Variants in HS3ST4 observed in about 807,000 individuals in gnomAD.
HS3ST4 encodes heparan sulfate-glucosamine 3-sulfotransferase 4, also known as heparan sulfate glucosamine 3-O-sulfotransferase 4.
In HS3ST4, 17 loss-of-function variants were observed where a neutral mutation model predicts 29.2. The ratio of observed to expected loss-of-function variants is 0.58; its 90% CI spans 0.40 to 0.87. The LOEUF is 0.87. HS3ST4 is among the 40% of genes least tolerant of loss of function. The pLI is 0.00. For synonymous variants in HS3ST4, 314 were observed against 285.7 expected (o/e 1.10, Z -1.00); for missense variants, 627 against 634.5 (o/e 0.99, Z 0.13).
At position 25,788,415 on chromosome 16, in the gene HS3ST4, C is replaced by CAAAA. The variant is rs11384547; in HGVS notation, c.734+95274_734+95277dup. 6.0e-3 allele frequency among the ~76,000 whole-genome samples: 860 copies of CAAAA among 143,064 alleles called. 6 individuals are homozygous for CAAAA. Among genetic ancestry groups the CAAAA allele is most frequent in the African/African-American group, 0.014 (549 of 38,888 alleles). 93.9% of individuals were successfully genotyped at this position (143,064 alleles called of 152,430 possible). A position where few individuals can be genotyped will look rare whatever the true frequency, so the allele number is the denominator to read the frequency against. On this transcript the variant is annotated intron_variant, in intron 1 of 1. Coordinates refer to ENST00000331351, the MANE Select transcript of HS3ST4 (RefSeq NM_006040.3). ...GGGCAACAAGAGTGAAATTCTGTCT[C>CAAAA]AAAAAAAAAAAAATGCCATTACAAT...
At chr16:26,101,074 G>A (rs149566088) in intron 1 of HS3ST4, among the ~76,000 whole-genome samples, 6 of 152,276 alleles carry the variant, frequency 3.9e-5, no homozygotes, top group Non-Finnish European at 7.3e-5. Context: ...AACAGAAACC[G>A]TTTACTCCAG....
intron 1 of HS3ST4, among the ~76,000 whole-genome samples, chr16:26,052,614 G>A (rs527257361): frequency 2.0e-5 from 3 of 152,228 alleles, no homozygotes; most frequent in Admixed American, 6.5e-5. Context: ...CTAGTGATCC[G>A]CCTGCCTCAG....
At chr16:26,049,389 AGGTCTACATCCGG>A (rs1293523322) in intron 1 of HS3ST4, among the ~76,000 whole-genome samples, 4 of 149,394 alleles carry the variant, frequency 2.7e-5, no homozygotes, top group Non-Finnish European at 5.9e-5. Flanking sequence ...CTACATCCGG[AGGTCTACATCCGG>A]AGAATGATGT....
chr16:25,779,456 A>G (rs1432308737), intron 1 of HS3ST4, among the ~76,000 whole-genome samples: 1 of 152,228 alleles, frequency 6.6e-6, no homozygotes, highest in Non-Finnish European at 1.5e-5. Flanking sequence ...CTTTGTACCA[A>G]TCATTTCATT....
chr16:25,917,814 C>G (rs1968307152), intron 1 of HS3ST4, among the ~76,000 whole-genome samples: 1 of 152,184 alleles, frequency 6.6e-6, no homozygotes, highest in African/African-American at 2.4e-5. Context: ...CAACTGTTTC[C>G]TTTTGCTGGC....
At chr16:25,866,182 A>T (rs1370325314) in intron 1 of HS3ST4, among the ~76,000 whole-genome samples, 1 of 152,188 alleles carries the variant, frequency 6.6e-6, no homozygotes, top group East Asian at 1.9e-4. Flanking sequence ...GGGGGCTTCA[A>T]TATGTGAATT....
intron 1 of HS3ST4, among the ~76,000 whole-genome samples, chr16:25,810,056 T>TA (rs1967027289): frequency 6.6e-6 from 1 of 152,130 alleles, no homozygotes; most frequent in Admixed American, 6.6e-5. Flanking sequence ...AGGTAGAACT[T>TA]ACATTATTGA....
At chr16:25,727,259 CAT>C (rs1389386470) in intron 1 of HS3ST4, among the ~76,000 whole-genome samples, 1 of 152,058 alleles carries the variant, frequency 6.6e-6, no homozygotes, top group Non-Finnish European at 1.5e-5. Context: ...TGGTTAAAAA[CAT>C]TATGGCATAT....
At chr16:25,900,460 A>G (rs1968110661) in intron 1 of HS3ST4, among the ~76,000 whole-genome samples, 2 of 152,072 alleles carry the variant, frequency 1.3e-5, no homozygotes, top group Admixed American at 6.5e-5. Context: ...ATTTATTTTT[A>G]TTTTTTGCTT....
chr16:25,736,626 A>G (rs140364925), intron 1 of HS3ST4, among the ~76,000 whole-genome samples: 70 of 152,340 alleles, frequency 4.6e-4, no homozygotes, highest in East Asian at 3.9e-4. Flanking sequence ...TTTATCTTCT[A>G]TCACTCTTGT....
At chr16:26,005,282 A>G (rs991016703) in intron 1 of HS3ST4, among the ~76,000 whole-genome samples, 1 of 152,172 alleles carries the variant, frequency 6.6e-6, no homozygotes, top group Non-Finnish European at 1.5e-5. Flanking sequence ...AACGAAGGTG[A>G]CTTTGTTTTT....
intron 1 of HS3ST4, among the ~76,000 whole-genome samples, chr16:25,961,271 G>A (rs932280660): frequency 6.6e-6 from 1 of 152,174 alleles, no homozygotes; most frequent in African/African-American, 2.4e-5. Context: ...AATGTTAAAT[G>A]GAGGTAAGAA....
chr16:25,923,827 G>A (rs117573856), intron 1 of HS3ST4, among the ~76,000 whole-genome samples: 1,914 of 152,146 alleles, frequency 0.013, 29 homozygotes, highest in African/African-American at 0.035. Context: ...GTTGGGTTGC[G>A]GGGAGCATTC....
At chr16:25,889,936 A>G (rs555301709) in intron 1 of HS3ST4, among the ~76,000 whole-genome samples, 4 of 152,244 alleles carry the variant, frequency 2.6e-5, no homozygotes, top group African/African-American at 4.8e-5. Flanking sequence ...GCCTGCTGCC[A>G]TGTAAGATGT....
At chr16:25,943,543 G>T (rs1968595025) in intron 1 of HS3ST4, among the ~76,000 whole-genome samples, 1 of 151,972 alleles carries the variant, frequency 6.6e-6, no homozygotes, top group Admixed American at 6.6e-5. Flanking sequence ...TTTAAATGTG[G>T]GTATAGTACT....
intron 1 of HS3ST4, among the ~76,000 whole-genome samples, chr16:25,989,859 G>T (rs1468979504): frequency 6.6e-6 from 1 of 152,204 alleles, no homozygotes. Context: ...TCGCTATAAA[G>T]TAGTCAGTTT....
intron 1 of HS3ST4, among the ~76,000 whole-genome samples, chr16:26,070,162 C>G (rs1442535694): frequency 1.3e-5 from 2 of 152,210 alleles, no homozygotes; most frequent in African/African-American, 4.8e-5. Context: ...AACTAGTTTA[C>G]AGTCCCACCA....
chr16:25,766,253 G>A (rs1021676435), intron 1 of HS3ST4, among the ~76,000 whole-genome samples: 12 of 151,986 alleles, frequency 7.9e-5, no homozygotes, highest in Non-Finnish European at 1.3e-4. Flanking sequence ...AGATGAAGGC[G>A]TCTCCCCAAT....
chr16:25,823,639 C>A (rs1019673229), intron 1 of HS3ST4, among the ~76,000 whole-genome samples: 1 of 152,178 alleles, frequency 6.6e-6, no homozygotes, highest in African/African-American at 2.4e-5. Flanking sequence ...TGGCTCACTG[C>A]AACCTCCACC....
Sources: gnomAD v4.1 joint callset for allele counts (sites outside exome capture counted in the v4.1 genomes callset) on GRCh38, gnomAD v4.1.1 for gene constraint, MANE v1.5 for transcripts, NCBI Gene and HGNC (gene_info 2026-07-23, HGNC 2026-07-21) for gene names.